Variants in MYH11 observed in about 807,000 individuals in gnomAD.
The protein encoded by MYH11 is myosin heavy chain 11.
In MYH11, 80 loss-of-function variants were observed where a neutral mutation model predicts 246.6. The observed-to-expected ratio is 0.32, with a 90% CI of 0.27 to 0.39. The LOEUF is 0.39. Among genes scored for constraint, MYH11 ranks in the 10% least tolerant of loss-of-function variants. MYH11 has a pLI of 1.00. For missense variants in MYH11, 2,158 were observed against 2,546.8 expected (o/e 0.85, Z 3.29); for synonymous variants, 1,071 against 1,015.5 (o/e 1.05, Z -1.04).
chr16:15,823,218 C>G (rs1363023604), intron 3 of MYH11, 37 bp downstream of exon 3: 1 of 1,613,282 alleles, frequency 6.2e-7, no homozygotes, highest in South Asian at 1.1e-5. Context: ...GGAGGGGCTC[C>G]CTGGAGCTGG....
At chr16:15,828,899 A>G (rs1244837437) in intron 2 of MYH11, among the ~76,000 whole-genome samples, 1 of 151,822 alleles carries the variant, frequency 6.6e-6, no homozygotes, top group Non-Finnish European at 1.5e-5. Flanking sequence ...AAAAGAAGGA[A>G]GAGGCCGGGC....
chr16:15,763,930 C>T (rs1437369692), intron 9 of MYH11, 39 bp from the exon 10 acceptor site: 1 of 1,540,124 alleles, frequency 6.5e-7, no homozygotes, highest in South Asian at 1.1e-5. Context: ...ACACAAAGGT[C>T]AATGCCAAGG....
intron 19 of MYH11, among the ~76,000 whole-genome samples, chr16:15,747,086 ACT>A (rs769911497): frequency 2.0e-5 from 3 of 151,460 alleles, no homozygotes; most frequent in Admixed American, 6.6e-5. Flanking sequence ...AGAGAGAGAG[ACT>A]CTGTCTCAAA....
At chr16:15,769,616 A>G (rs2042055253) in intron 9 of MYH11, among the ~76,000 whole-genome samples, 1 of 152,278 alleles carries the variant, frequency 6.6e-6, no homozygotes, top group South Asian at 2.1e-4. Flanking sequence ...ATTTGTAGAG[A>G]AGGGATCTTG....
At position 15,776,091 on chromosome 16, in the gene MYH11, C is replaced by T; in HGVS notation, c.876G>A (p.Lys292=). The change falls in exon 8 of 41, where the codon AAG becomes AAA. Residue 292 remains lysine (K), a synonymous_variant. Coordinates refer to ENST00000300036, the MANE Select transcript of MYH11 (RefSeq NM_002474.3). ...HIFYYMIAGA[K]EKMRSDLLLE... is the part of the protein sequence containing the mutation. ...CTAGTCACTTACTTCTCATCTTCTC[C>T]TTGGCTCCAGCAATCATGTAGTAAA... The T allele has an allele frequency of 6.2e-7, 1 of 1,612,914 alleles. No homozygotes were observed. The highest frequency in any genetic ancestry group is 1.7e-5 in the Admixed American group (1 of 60,026).
At chr16:15,841,232 G>C (rs932318465) in intron 1 of MYH11, among the ~76,000 whole-genome samples, 17 of 152,110 alleles carry the variant, frequency 1.1e-4, no homozygotes, top group African/African-American at 4.1e-4. Context: ...TCTGCCTCTG[G>C]GTTCAAGCGA....
chr16:15,718,157 T>A, intron 37 of MYH11, 158 bp downstream of exon 37: 1 of 1,154,594 alleles, frequency 8.7e-7, no homozygotes, highest in South Asian at 1.3e-5. Flanking sequence ...GGCACTGGTG[T>A]AAGGGCCCTG....
At chr16:15,834,657 T>C (rs2043843987) in intron 2 of MYH11, among the ~76,000 whole-genome samples, 1 of 152,148 alleles carries the variant, frequency 6.6e-6, no homozygotes, top group Admixed American at 6.6e-5. Flanking sequence ...TAAAGATACA[T>C]TTTGCAACAC....
At chr16:15,855,144 T>C (rs2044430339) in intron 1 of MYH11, among the ~76,000 whole-genome samples, 1 of 152,160 alleles carries the variant, frequency 6.6e-6, no homozygotes. Context: ...AACACATCTA[T>C]TTCGGACATG....
chr16:15,828,517 G>A (rs1230090764), intron 2 of MYH11, among the ~76,000 whole-genome samples: 1 of 152,174 alleles, frequency 6.6e-6, no homozygotes, highest in Non-Finnish European at 1.5e-5. Flanking sequence ...CAGGGACAGG[G>A]TAGACACTCA....
intron 40 of MYH11, among the ~76,000 whole-genome samples, chr16:15,707,975 A>G (rs900177578): frequency 3.3e-5 from 5 of 151,298 alleles, no homozygotes; most frequent in African/African-American, 1.2e-4. Flanking sequence ...AAAAAAAAAA[A>G]AAAAGCAAAA....
chr16:15,763,054 A>C (rs1052396421), intron 10 of MYH11, among the ~76,000 whole-genome samples: 6 of 152,236 alleles, frequency 3.9e-5, no homozygotes, highest in Admixed American at 1.3e-4. Flanking sequence ...AAATTACAGG[A>C]TGCTCAGTTA....
chr16:15,725,610 G>T, intron 28 of MYH11: 1 of 405,304 alleles, frequency 2.5e-6, no homozygotes, highest in Non-Finnish European at 4.4e-6. Flanking sequence ...AGGAGGATAT[G>T]AATGATCTTG....
intron 3 of MYH11, among the ~76,000 whole-genome samples, chr16:15,809,312 G>C (rs1375368131): frequency 6.6e-6 from 1 of 152,124 alleles, no homozygotes; most frequent in Admixed American, 6.6e-5. Context: ...CGGGAGGATT[G>C]CTTGAGGCCA....
intron 36 of MYH11, 165 bp downstream of exon 36, chr16:15,719,055 G>A (rs1596711894): frequency 1.4e-6 from 1 of 692,942 alleles, no homozygotes; most frequent in Non-Finnish European, 2.6e-6. Flanking sequence ...TTGAACCTGG[G>A]AGGTGGAGGT....
In MYH11 at chr16:15,726,746, C is replaced by A. The variant is rs1026047359; in HGVS notation, c.3858+102G>T. 5.8e-6 allele frequency: 8 copies of A among 1,369,684 alleles called. No individual in the cohort carries two copies. The African/African-American group carries it at 1.0e-4, about 17-fold the overall frequency. 84.8% of individuals were successfully genotyped at this position (1,369,684 alleles called of 1,614,324 possible). On this transcript the variant is annotated intron_variant, in intron 28 of 40. Transcript: ENST00000300036. ...GAACGCAACTAGAGGAAAGGACTTG[C>A]CTTGCAGCAAGAGAGACCTCAGCGA...
At chr16:15,710,206 G>C (rs2039701652) in intron 40 of MYH11, among the ~76,000 whole-genome samples, 1 of 152,204 alleles carries the variant, frequency 6.6e-6, no homozygotes, top group Non-Finnish European at 1.5e-5. Context: ...GAACCCACAG[G>C]AGGTGTCCAG....
intron 4 of MYH11, among the ~76,000 whole-genome samples, chr16:15,796,830 T>A (rs548213547): frequency 9.9e-5 from 15 of 152,268 alleles, no homozygotes; most frequent in South Asian, 8.3e-4. Flanking sequence ...GGAATGCAGG[T>A]GACCCCTAGA....
Position 15,717,270 on chromosome 16 carries a change from G to A in MYH11, c.5374C>T (p.Arg1792Trp), listed in dbSNP as rs1364355866. 2.3e-5 allele frequency: 37 copies of A among 1,613,736 alleles called. No homozygotes were observed. The highest frequency in any genetic ancestry group is 2.6e-5 in the Non-Finnish European group (31 of 1,180,048). The change falls in exon 38 of 41, where the codon CGG becomes TGG. Residue 1792 changes from arginine (R) to tryptophan (W), a missense_variant. Physicochemically the swap from Arg to Trp is moderately radical, Grantham distance 101 (BLOSUM62 -3). Coordinates refer to ENST00000300036, the MANE Select transcript of MYH11 (RefSeq NM_002474.3). ...KNESARQQLERQNKELRSKLH... is the reference protein window; with the variant it reads ...KNESARQQLEWQNKELRSKLH... ...TTGCTCCGGAGCTCCTTGTTCTGCC[G>A]CTCGAGCTGCTGCCGGGCACTCTCA...
Sources: gnomAD v4.1 joint callset for allele counts (sites outside exome capture counted in the v4.1 genomes callset) on GRCh38, gnomAD v4.1.1 for gene constraint, MANE v1.5 for transcripts, NCBI Gene and HGNC (gene_info 2026-07-23, HGNC 2026-07-21) for gene names.